Variants in TCP11L1 observed in about 807,000 individuals in gnomAD.
The protein encoded by TCP11L1 is t-complex 11 like 1.
In TCP11L1, 28 loss-of-function variants were observed where a neutral mutation model predicts 48.9. The observed-to-expected ratio is 0.57, with a 90% CI of 0.42 to 0.78. The LOEUF (loss-of-function observed/expected upper bound fraction) is 0.78, where lower values mean the gene tolerates loss of function less well. Ranked by LOEUF, TCP11L1 falls within the 30% of genes least tolerant of loss-of-function variation. TCP11L1 has a pLI of 0.00. For missense variants in TCP11L1, 505 were observed against 613.4 expected (o/e 0.82, Z 1.87); for synonymous variants, 204 against 231.9 (o/e 0.88, Z 1.09).
chr11:33,056,115 ATTG>A lies in TCP11L1; in HGVS notation c.297-994_297-992del, dbSNP rs919406481. 1.3e-4 allele frequency among the ~76,000 whole-genome samples: 20 copies of A among 151,542 alleles called. 1 individual carries two copies. Among genetic ancestry groups the A allele is most frequent in the African/African-American group, 4.8e-4 (20 of 41,306 alleles). On this transcript the variant is annotated intron_variant, in intron 3 of 9. Transcript: ENST00000334274. ...ACAGGTGTGAGCCACTGCGCCAGCC[ATTG>A]TTGTTTTTTGAGACGGAATCTTGCT...
chr11:33,065,704 G>T (rs1280085758), intron 7 of TCP11L1, 126 bp from the exon 8 acceptor site: 7 of 1,067,344 alleles, frequency 6.6e-6, no homozygotes, highest in African/African-American at 3.2e-5. Context: ...CTCCCTCAAA[G>T]CTCTGACACA....
chr11:33,053,396 T>C (rs6484634), intron 2 of TCP11L1, among the ~76,000 whole-genome samples: 62,395 of 151,968 alleles, frequency 0.41, 13,034 homozygotes, highest in African/African-American at 0.48. Context: ...CCACCTGCCT[T>C]GATCTCCCAA....
At chr11:33,060,489 G>A (rs560855380) in intron 6 of TCP11L1, among the ~76,000 whole-genome samples, 5 of 152,188 alleles carry the variant, frequency 3.3e-5, no homozygotes, top group South Asian at 2.1e-4. Flanking sequence ...GACCTTGGCC[G>A]CCCACTTGGT....
Position 33,072,691 on chromosome 11 carries a change from A to G in TCP11L1, c.*15A>G, listed in dbSNP as rs1854832753. The G allele has an allele frequency of 1.2e-6, 2 of 1,613,894 alleles. No individual in the cohort carries two copies. Among genetic ancestry groups the G allele is most frequent in the Non-Finnish European group, 1.7e-6 (2 of 1,179,828 alleles). ...TCCGATCCTAACGTGTATGCACCCT[A>G]CAGCAGCAGTATTACTCACTAGCCA... On this transcript the variant is annotated 3_prime_UTR_variant, in exon 10 of 10. Transcript: ENST00000334274.
rs1853769935 is a variant in TCP11L1, at chr11:33,039,681, G to C, written c.-136G>C. On this transcript the variant is annotated 5_prime_UTR_variant, in exon 1 of 10. Transcript: ENST00000334274. ...CGAGGGATGCGGCCTCGGAGGGGCA[G>C]AGGCTGAACCGCCCCTGCCTGCCGC... The C allele has an allele frequency of 6.6e-6, 1 of 152,258 alleles. No individual in the cohort carries two copies. The highest frequency in any genetic ancestry group is 2.4e-5 in the African/African-American group (1 of 41,472). 9.4% of individuals were successfully genotyped at this position (152,258 alleles called of 1,614,324 possible). A position where few individuals can be genotyped will look rare whatever the true frequency, so the allele number is the denominator to read the frequency against.
intron 9 of TCP11L1, among the ~76,000 whole-genome samples, chr11:33,069,723 A>G (rs1240762818): frequency 6.6e-6 from 1 of 152,056 alleles, no homozygotes; most frequent in Non-Finnish European, 1.5e-5. Context: ...CTCCCACTTC[A>G]GACTCCCAAG....
At chr11:33,044,094 C>T in intron 2 of TCP11L1, 158 bp downstream of exon 2, 1 of 650,792 alleles carries the variant, frequency 1.5e-6, no homozygotes, top group Non-Finnish European at 2.4e-6. Flanking sequence ...AGCTGGCAGC[C>T]TAGCTACTTG....
chr11:33,059,858 G>A (rs1854420186), intron 6 of TCP11L1, among the ~76,000 whole-genome samples: 1 of 152,184 alleles, frequency 6.6e-6, no homozygotes, highest in East Asian at 1.9e-4. Flanking sequence ...GTTGAGAAAG[G>A]ACAGGGTAGA....
At chr11:33,051,693 A>T (rs528561595) in intron 2 of TCP11L1, among the ~76,000 whole-genome samples, 1 of 152,142 alleles carries the variant, frequency 6.6e-6, no homozygotes, top group African/African-American at 2.4e-5. Flanking sequence ...TCCTGGCCTC[A>T]AGCAGTCCAC....
At chr11:33,056,101 C>T (rs1389324653) in intron 3 of TCP11L1, among the ~76,000 whole-genome samples, 1 of 151,998 alleles carries the variant, frequency 6.6e-6, no homozygotes, top group Non-Finnish European at 1.5e-5. Flanking sequence ...CAGGTGTGAG[C>T]CACTGCGCCA....
At chr11:33,057,271 G>T (rs1854338256) in intron 4 of TCP11L1, 36 bp downstream of exon 4, 1 of 1,612,514 alleles carries the variant, frequency 6.2e-7, no homozygotes. Context: ...CTTTTCTGGT[G>T]TGTTAGGAGT....
chr11:33,064,284 T>C (rs2080144818), intron 7 of TCP11L1, among the ~76,000 whole-genome samples: 1 of 152,166 alleles, frequency 6.6e-6, no homozygotes, highest in Non-Finnish European at 1.5e-5. Context: ...CACAAAGCCA[T>C]GTGAAGTCAG....
intron 8 of TCP11L1, among the ~76,000 whole-genome samples, chr11:33,067,089 A>G (rs1278985943): frequency 6.6e-6 from 1 of 152,164 alleles, no homozygotes; most frequent in Non-Finnish European, 1.5e-5. Context: ...GCAGAGCTGC[A>G]TGTATGTGGT....
chr11:33,064,255 C>G lies in TCP11L1; in HGVS notation c.973-1575C>G, dbSNP rs571240843. Reference sequence around the variant, plus strand: ...CTTGGCAATCTGCATCCTAAACTCACGTCCTGCTGTTGGGAAGCCACAAAG... The same window carrying G: ...CTTGGCAATCTGCATCCTAAACTCAGGTCCTGCTGTTGGGAAGCCACAAAG... On this transcript the variant is annotated intron_variant, in intron 7 of 9. Transcript: ENST00000334274. 3.3e-5 allele frequency among the ~76,000 whole-genome samples: 5 copies of G among 152,346 alleles called. 1 individual carries two copies. Among genetic ancestry groups the G allele is most frequent in the African/African-American group, 9.6e-5 (4 of 41,578 alleles).
In TCP11L1 at chr11:33,061,744, T is replaced by G. The variant is rs764149981; in HGVS notation, c.972+18T>G. ...TCCCCGAAGTAGGTCTCCTGAGCCA[T>G]CTCACTACTCATATTTGTTTTTGTG... is the stretch of plus-strand genomic sequence containing the variant. On this transcript the variant is annotated intron_variant, in intron 7 of 9. Coordinates refer to ENST00000334274, the MANE Select transcript of TCP11L1 (RefSeq NM_018393.4). 1.3e-5 allele frequency: 21 copies of G among 1,566,782 alleles called. No homozygotes were observed. The highest frequency in any genetic ancestry group is 1.8e-5 in the Non-Finnish European group (21 of 1,153,604).
At chr11:33,056,903 C>T (rs560800278) in intron 3 of TCP11L1, among the ~76,000 whole-genome samples, 10 of 152,264 alleles carry the variant, frequency 6.6e-5, no homozygotes, top group Non-Finnish European at 8.8e-5. Context: ...TAGTTGAGAG[C>T]GATTCTTTCC....
chr11:33,069,635 TC>T lies in TCP11L1; in HGVS notation c.1327+778del, dbSNP rs577171384. Reference sequence around the variant, plus strand: ...TTTGAGACAGGGTCTCACTCTGTCTTCCAGACTGGAGTGCAGTGATGCGATC... The same window carrying T: ...TTTGAGACAGGGTCTCACTCTGTCTTCAGACTGGAGTGCAGTGATGCGATC... On this transcript the variant is annotated intron_variant, in intron 9 of 9. Coordinates refer to ENST00000334274, the MANE Select transcript of TCP11L1 (RefSeq NM_018393.4). Among the ~76,000 whole-genome samples the T allele has an allele frequency of 1.7e-3, 260 of 152,228 alleles. 3 individuals carry two copies. The highest frequency in any genetic ancestry group is 5.9e-3 in the African/African-American group (244 of 41,534).
intron 5 of TCP11L1, 114 bp downstream of exon 5, chr11:33,058,253 C>A: frequency 2.0e-6 from 2 of 1,009,550 alleles, no homozygotes; most frequent in Non-Finnish European, 2.8e-6. Context: ...GGCTGGAGTG[C>A]AATGGCGTGA....
chr11:33,062,557 G>A (rs1854498281), intron 7 of TCP11L1, among the ~76,000 whole-genome samples: 1 of 152,076 alleles, frequency 6.6e-6, no homozygotes, highest in South Asian at 2.1e-4. Context: ...CCAGTTCAGT[G>A]GCATTAAGTG....
Sources: gnomAD v4.1 joint callset for allele counts (sites outside exome capture counted in the v4.1 genomes callset) on GRCh38, gnomAD v4.1.1 for gene constraint, MANE v1.5 for transcripts, NCBI Gene and HGNC (gene_info 2026-07-23, HGNC 2026-07-21) for gene names.